LIN28B: variants seen among roughly 807,000 people sequenced by gnomAD.
LIN28B encodes lin-28 RNA binding posttranscriptional regulator B.
In LIN28B, 5 loss-of-function variants were observed where a neutral mutation model predicts 21.9. The observed-to-expected ratio is 0.23, with a 90% CI of 0.12 to 0.48. The LOEUF is 0.48. Among genes scored for constraint, LIN28B ranks in the 20% least tolerant of loss-of-function variants. LIN28B has a pLI of 0.98. For synonymous variants in LIN28B, 109 were observed against 111.3 expected (o/e 0.98, Z 0.13); for missense variants, 245 against 310.5 (o/e 0.79, Z 1.58).
At chr6:104,954,620 C>T (rs1167775826), upstream of LIN28B, among the ~76,000 whole-genome samples, 3 of 151,964 alleles carry the variant, frequency 2.0e-5, no homozygotes, top group Admixed American at 6.6e-5. Flanking sequence ...TCAGGGTTAC[C>T]AGTTGGAAAA....
chr6:104,945,693 C>T (rs997810296), intron 2 of LIN28B, among the ~76,000 whole-genome samples: 3 of 151,930 alleles, frequency 2.0e-5, no homozygotes, highest in Non-Finnish European at 4.4e-5. Context: ...GCTGTGAGCT[C>T]GATTACATAA....
chr6:105,055,918 G>A (rs1233089792), intron 3 of LIN28B, among the ~76,000 whole-genome samples: 2 of 90,630 alleles, frequency 2.2e-5, no homozygotes, highest in Non-Finnish European at 4.6e-5. Context: ...ACCATGCCTG[G>A]CTTTTTTTTT....
intron 2 of LIN28B, among the ~76,000 whole-genome samples, chr6:104,946,296 TC>T (rs370808471): frequency 8.0e-4 from 122 of 152,262 alleles, no homozygotes; most frequent in African/African-American, 2.6e-3. Flanking sequence ...GATTTTCTGT[TC>T]CTGTGTATGA....
intron 2 of LIN28B, among the ~76,000 whole-genome samples, chr6:105,010,975 A>T (rs1388350671): frequency 6.6e-6 from 1 of 152,186 alleles, no homozygotes; most frequent in African/African-American, 2.4e-5. Flanking sequence ...CTCATTTTTT[A>T]TAAAGCTGTT....
At chr6:105,073,705 A>G (rs555679268) in intron 3 of LIN28B, among the ~76,000 whole-genome samples, 27 of 152,194 alleles carry the variant, frequency 1.8e-4, no homozygotes, top group Non-Finnish European at 3.1e-4. Flanking sequence ...ACTTTTAGAC[A>G]AGCAAATCTG....
intron 2 of LIN28B, among the ~76,000 whole-genome samples, chr6:104,991,721 A>C (rs553079705): frequency 6.6e-5 from 10 of 152,320 alleles, no homozygotes; most frequent in Admixed American, 1.3e-4. Context: ...AGCCTGGGCA[A>C]CATTGAGCAC....
chr6:105,074,788 C>T (rs1270145877), intron 3 of LIN28B, among the ~76,000 whole-genome samples: 1 of 152,204 alleles, frequency 6.6e-6, no homozygotes, highest in African/African-American at 2.4e-5. Flanking sequence ...TCACTGCAGC[C>T]TCTGCCTCCC....
Position 105,078,643 on chromosome 6 carries a change from C to A in LIN28B, c.613C>A (p.Pro205Thr). 3.1e-6 allele frequency: 5 copies of A among 1,614,176 alleles called. No homozygotes were observed. The highest frequency in any genetic ancestry group is 4.2e-6 in the Non-Finnish European group (5 of 1,180,036). ...AGGCGGGCATGGCTGTACATCACCACCGTTTCCTCAGGAGGCTAGGGCAGA... is the reference window on the plus strand; with the variant it reads ...AGGCGGGCATGGCTGTACATCACCAACGTTTCCTCAGGAGGCTAGGGCAGA... ...VGGGHGCTSPPFPQEARAEIS... is the reference protein window; with the variant it reads ...VGGGHGCTSPTFPQEARAEIS... Residue 205 changes from proline to threonine, a missense_variant, in exon 4 of 4, where the codon CCG (proline) becomes ACG (threonine). Pro to Thr is a conservative substitution (Grantham distance 38, BLOSUM62 -1). Coordinates refer to ENST00000345080, the MANE Select transcript of LIN28B (RefSeq NM_001004317.4).
rs1306412115 is a variant in LIN28B at position 104,950,404 on chromosome 6, G to A, written c.19-57G>A. On this transcript the variant is annotated intron_variant, in intron 2 of 5. Coordinates refer to the LIN28B transcript ENST00000635857. ...GCTTTCTAATGGCCATTAGGATGAA[G>A]AAGAGGCAATTAAATAGGCAATTAA... The A allele has an allele frequency of 6.6e-6, 6 of 913,284 alleles. No individual in the cohort carries two copies. In the African/African-American group the frequency reaches 1.0e-4, roughly 16 times the overall value. 56.6% of individuals were successfully genotyped at this position (913,284 alleles called of 1,614,324 possible). A position where few individuals can be genotyped will look rare whatever the true frequency, so the allele number is the denominator to read the frequency against.
intron 3 of LIN28B, among the ~76,000 whole-genome samples, chr6:105,040,566 T>C (rs550062443): frequency 1.3e-5 from 2 of 152,110 alleles, no homozygotes; most frequent in South Asian, 4.1e-4. Context: ...CAAATACACA[T>C]TATATGTATA....
At chr6:104,976,145 G>A (rs1770090199) in intron 2 of LIN28B, among the ~76,000 whole-genome samples, 1 of 152,138 alleles carries the variant, frequency 6.6e-6, no homozygotes, top group African/African-American at 2.4e-5. Flanking sequence ...TTTGTGCTAG[G>A]TGCTAAAGAT....
rs1582927331 is a variant in LIN28B at position 105,062,696 on chromosome 6, C to T, written c.384-15718C>T. Among the ~76,000 whole-genome samples the T allele has an allele frequency of 5.3e-5, 8 of 151,642 alleles. No individual in the cohort carries two copies. In the South Asian group the frequency reaches 1.0e-3, roughly 20 times the overall value. ...GAAATACTGATTCAGTTTTCAAATA[C>T]GTTTCTAAGAGGTTCCAGCTTATTG... On this transcript the variant is annotated intron_variant, in intron 3 of 3. Coordinates refer to ENST00000345080, the MANE Select transcript of LIN28B (RefSeq NM_001004317.4).
chr6:104,978,195 C>T (rs1488660519), intron 2 of LIN28B, among the ~76,000 whole-genome samples: 16 of 152,126 alleles, frequency 1.1e-4, no homozygotes, highest in Admixed American at 1.3e-4. Context: ...TGGTGGCTTC[C>T]GTATTCTATT....
intron 2 of LIN28B, among the ~76,000 whole-genome samples, chr6:105,018,602 T>C (rs183865766): frequency 3.7e-4 from 56 of 152,352 alleles, no homozygotes; most frequent in African/African-American, 1.3e-3. Flanking sequence ...TGTTTCTCTA[T>C]TTTATGTATT....
chr6:105,010,362 C>CAA (rs143121695), intron 2 of LIN28B, among the ~76,000 whole-genome samples: 3 of 104,558 alleles, frequency 2.9e-5, no homozygotes, highest in African/African-American at 3.5e-5. Flanking sequence ...GACCCTGACT[C>CAA]AAAAAAAAAA....
chr6:104,987,495 C>T (rs73519943), intron 2 of LIN28B, among the ~76,000 whole-genome samples: 3,430 of 152,140 alleles, frequency 0.023, 127 homozygotes, highest in African/African-American at 0.079. Flanking sequence ...AGGCTCACAC[C>T]GCTATGCCCA....
At chr6:104,998,943 G>A (rs1770666748) in intron 2 of LIN28B, among the ~76,000 whole-genome samples, 1 of 152,046 alleles carries the variant, frequency 6.6e-6, no homozygotes, top group African/African-American at 2.4e-5. Context: ...AAGGCCAATT[G>A]CAAAGTAAGA....
chr6:105,004,864 T>C (rs897001369), intron 2 of LIN28B, among the ~76,000 whole-genome samples: 1 of 152,214 alleles, frequency 6.6e-6, no homozygotes, highest in Non-Finnish European at 1.5e-5. Context: ...ATACTCCTGC[T>C]CCAGTCCAGA....
At chr6:104,967,178 A>G (rs1002687735) in intron 2 of LIN28B, among the ~76,000 whole-genome samples, 1 of 152,168 alleles carries the variant, frequency 6.6e-6, no homozygotes, top group Non-Finnish European at 1.5e-5. Context: ...AATCTTCAAT[A>G]TAATATTAAT....
Sources: gnomAD v4.1 joint callset for allele counts (sites outside exome capture counted in the v4.1 genomes callset) on GRCh38, gnomAD v4.1.1 for gene constraint, MANE v1.5 for transcripts, NCBI Gene and HGNC (gene_info 2026-07-23, HGNC 2026-07-21) for gene names.